MPHOSPH10: variants seen among roughly 807,000 people sequenced by gnomAD.
The protein encoded by MPHOSPH10 is U3 small nucleolar ribonucleoprotein MPP10.
Under a neutral mutation model 77.3 loss-of-function variants are expected in MPHOSPH10, and 33 were observed. The ratio of observed to expected loss-of-function variants is 0.43; its 90% confidence interval spans 0.32 to 0.57. The LOEUF (loss-of-function observed/expected upper bound fraction) is 0.57, where lower values mean the gene tolerates loss of function less well. MPHOSPH10 is among the 20% of genes least tolerant of loss of function. The pLI, the probability that MPHOSPH10 is intolerant of heterozygous loss-of-function variation, is 0.07. For synonymous variants in MPHOSPH10, 245 were observed against 268.0 expected (o/e 0.91, Z 0.84); for missense variants, 708 against 780.1 (o/e 0.91, Z 1.10).
chr2:71,142,527 G>C (rs990733147), intron 7 of MPHOSPH10, among the ~76,000 whole-genome samples: 7 of 152,204 alleles, frequency 4.6e-5, no homozygotes, highest in Non-Finnish European at 8.8e-5. Flanking sequence ...GATGGACTTG[G>C]AGTTCTAGTA....
chr2:71,143,462 T>G (rs1032922331), intron 7 of MPHOSPH10, among the ~76,000 whole-genome samples: 1 of 152,180 alleles, frequency 6.6e-6, no homozygotes, highest in Non-Finnish European at 1.5e-5. Context: ...TTTTTCTTTT[T>G]AATTGATGTG....
chr2:71,144,597 C>T, intron 8 of MPHOSPH10, 59 bp downstream of exon 8: 2 of 1,241,410 alleles, frequency 1.6e-6, no homozygotes. Context: ...TAGCTTTGAT[C>T]CTTTGTGAGA....
At chr2:71,146,426 C>T (rs1180831646) in intron 8 of MPHOSPH10, among the ~76,000 whole-genome samples, 1 of 149,994 alleles carries the variant, frequency 6.7e-6, no homozygotes, top group Non-Finnish European at 1.5e-5. Flanking sequence ...ACCTCTGCCT[C>T]CCAAGTTTAA....
In MPHOSPH10 at chr2:71,149,341, G is replaced by A. The variant is rs115361918; in HGVS notation, c.1784G>A (p.Arg595Gln). 2.0e-3 allele frequency: 3,302 copies of A among 1,613,950 alleles called. 19 individuals carry two copies. In the Middle Eastern group the frequency reaches 0.042, roughly 20 times the overall value. ...KRMKIKEKEK[R>Q]RKLLEKSSVD... ...ATGAAAATAAAAGAGAAGGAGAAGC[G>A]GAGAAAACTGCTTGAAAAGAGCAGT... Residue 595 changes from arginine to glutamine, a missense_variant, in exon 10 of 11, where the codon CGG becomes CAG. By Grantham distance (43) the Arg-to-Gln change is conservative. This residue lies in a region of MPHOSPH10 where 263 missense variants were observed against 320.0 expected (regional missense o/e 0.82). Transcript: ENST00000244230.
At chr2:71,136,230 A>T (rs1254484665) in intron 4 of MPHOSPH10, among the ~76,000 whole-genome samples, 1 of 152,204 alleles carries the variant, frequency 6.6e-6, no homozygotes, top group African/African-American at 2.4e-5. Context: ...CACAATAAAA[A>T]TGAGAATAGG....
intron 7 of MPHOSPH10, among the ~76,000 whole-genome samples, chr2:71,143,271 A>G (rs1673644467): frequency 6.6e-6 from 1 of 151,606 alleles, no homozygotes; most frequent in African/African-American, 2.4e-5. Flanking sequence ...CCTCCTGAGT[A>G]ACAGGCACAT....
At chr2:71,145,083 CG>C (rs1204992198) in intron 8 of MPHOSPH10, among the ~76,000 whole-genome samples, 1 of 152,066 alleles carries the variant, frequency 6.6e-6, no homozygotes, top group Non-Finnish European at 1.5e-5. Flanking sequence ...CAGCTGTCTC[CG>C]CATGATGTTC....
At chr2:71,138,391 C>T (rs1021280686) in intron 4 of MPHOSPH10, 99 bp from the exon 5 acceptor site, 5 of 961,256 alleles carry the variant, frequency 5.2e-6, no homozygotes, top group South Asian at 1.9e-5. Flanking sequence ...TAGAACAGTA[C>T]GTTTCTTGCT....
At chr2:71,131,184 C>T (rs1005194481) in intron 1 of MPHOSPH10, among the ~76,000 whole-genome samples, 2 of 152,230 alleles carry the variant, frequency 1.3e-5, no homozygotes, top group African/African-American at 4.8e-5. Flanking sequence ...CTCTTCCCAA[C>T]ACAAGCGTTT....
intron 8 of MPHOSPH10, 113 bp downstream of exon 8, chr2:71,144,651 G>A (rs570358555): frequency 2.6e-6 from 2 of 780,666 alleles, no homozygotes; most frequent in South Asian, 1.8e-5. Context: ...GTAGTTTGCT[G>A]TAAATTCCAG....
At chr2:71,140,083 C>T (rs1673583201) in intron 6 of MPHOSPH10, among the ~76,000 whole-genome samples, 1 of 152,130 alleles carries the variant, frequency 6.6e-6, no homozygotes, top group Non-Finnish European at 1.5e-5. Context: ...AAGCCATTAT[C>T]CTTTCTCGTG....
At chr2:71,131,971 C>T (rs1673394711) in intron 1 of MPHOSPH10, among the ~76,000 whole-genome samples, 1 of 152,210 alleles carries the variant, frequency 6.6e-6, no homozygotes, top group Non-Finnish European at 1.5e-5. Context: ...AGAGGCCTGA[C>T]ACCACCACCC....
intron 4 of MPHOSPH10, among the ~76,000 whole-genome samples, chr2:71,136,246 G>A (rs756675052): frequency 2.0e-5 from 3 of 152,222 alleles, no homozygotes; most frequent in Non-Finnish European, 4.4e-5. Context: ...ATAGGGCCAG[G>A]CACAGTGGCT....
intron 4 of MPHOSPH10, among the ~76,000 whole-genome samples, chr2:71,135,122 CA>C (rs1673460516): frequency 6.6e-6 from 1 of 152,202 alleles, no homozygotes; most frequent in South Asian, 2.1e-4. Flanking sequence ...GCTAAGATTG[CA>C]TCACTGCTCT....
intron 7 of MPHOSPH10, among the ~76,000 whole-genome samples, chr2:71,143,701 T>C (rs1673655100): frequency 1.3e-5 from 2 of 152,242 alleles, no homozygotes; most frequent in South Asian, 4.1e-4. Flanking sequence ...TTGATATAAA[T>C]GGAACCATAC....
intron 8 of MPHOSPH10, among the ~76,000 whole-genome samples, chr2:71,144,760 C>T (rs1673676167): frequency 6.6e-6 from 1 of 152,196 alleles, no homozygotes; most frequent in Non-Finnish European, 1.5e-5. Context: ...TGGGCATGGT[C>T]AGGCATCATG....
At chr2:71,139,102 A>G (rs1049875940) in intron 5 of MPHOSPH10, 1 of 224,934 alleles carries the variant, frequency 4.4e-6, no homozygotes, top group Admixed American at 5.1e-5. Context: ...GTGAACACCT[A>G]TATGCTATTC....
rs753499034 is a variant in MPHOSPH10, at chr2:71,141,387, G to T, written c.1446+18G>T. ...TCAACCAGGTGAGGAAGCCTGTAAGGCCAAGCCATTATTATTAAAGAAATA... is the reference window on the plus strand; with the variant it reads ...TCAACCAGGTGAGGAAGCCTGTAAGTCCAAGCCATTATTATTAAAGAAATA... On this transcript the variant is annotated intron_variant, in intron 7 of 10. Coordinates refer to ENST00000244230, the MANE Select transcript of MPHOSPH10 (RefSeq NM_005791.3). 1 of 1,465,720 alleles carries T rather than the reference G, an allele frequency of 6.8e-7. No homozygotes were observed. Among genetic ancestry groups the T allele is most frequent in the South Asian group, 1.5e-5 (1 of 64,518 alleles). 90.8% of individuals were successfully genotyped at this position (1,465,720 alleles called of 1,614,324 possible).
At chr2:71,141,096 A>G (rs570239465) in intron 6 of MPHOSPH10, 136 bp from the exon 7 acceptor site, 2 of 378,526 alleles carry the variant, frequency 5.3e-6, no homozygotes, top group South Asian at 1.2e-4. Flanking sequence ...GATATAATTT[A>G]CTATTAATAT....
Sources: allele counts gnomAD v4.1 joint callset (sites outside exome capture counted in the v4.1 genomes callset), GRCh38; gene constraint gnomAD v4.1.1; regional missense constraint gnomAD v4.1.1; transcripts MANE v1.5; gene names NCBI Gene and HGNC (gene_info 2026-07-23, HGNC 2026-07-21).